Variants in MARCHF4 observed in about 807,000 individuals in gnomAD.
MARCHF4 encodes the protein membrane associated ring-CH-type finger 4, also known as E3 ubiquitin-protein ligase MARCHF4.
Under a neutral mutation model 43.9 loss-of-function variants are expected in MARCHF4, and 14 were observed. The observed-to-expected ratio is 0.32, with a 90% CI of 0.21 to 0.50. The LOEUF is 0.50. Among genes scored for constraint, MARCHF4 ranks in the 20% least tolerant of loss-of-function variants. The probability of loss-of-function intolerance (pLI) is 0.98; values close to 1 mark genes in which losing one functional copy is unlikely to be tolerated. For missense variants in MARCHF4, 468 were observed against 536.7 expected, an observed-to-expected ratio of 0.87 and a Z score of 1.27; for synonymous variants, 226 against 213.3, an observed-to-expected ratio of 1.06 and a Z score of -0.52.
chr2:216,359,091 G>C (rs1574487764), intron 1 of MARCHF4, among the ~76,000 whole-genome samples: 1 of 152,326 alleles, frequency 6.6e-6, no homozygotes, highest in East Asian at 1.9e-4. Flanking sequence ...AAGCTTCAGT[G>C]TCTTAACACA....
At chr2:216,296,541 G>A (rs1034316934) in intron 1 of MARCHF4, among the ~76,000 whole-genome samples, 4 of 152,126 alleles carry the variant, frequency 2.6e-5, no homozygotes, top group African/African-American at 9.7e-5. Context: ...GTGAGCTTGT[G>A]TGTTTCTAGG....
At chr2:216,320,180 CA>C (rs1382983721) in intron 1 of MARCHF4, among the ~76,000 whole-genome samples, 4 of 152,168 alleles carry the variant, frequency 2.6e-5, no homozygotes, top group African/African-American at 9.7e-5. Flanking sequence ...TAAACTATAT[CA>C]GCTGTTAAGG....
intron 1 of MARCHF4, among the ~76,000 whole-genome samples, chr2:216,300,502 C>G (rs1031083122): frequency 6.6e-6 from 1 of 151,758 alleles, no homozygotes; most frequent in African/African-American, 2.4e-5. Context: ...TGCCACCACA[C>G]CCAGCTAAAT....
chr2:216,365,812 C>T (rs1055747318), intron 1 of MARCHF4, among the ~76,000 whole-genome samples: 2 of 152,154 alleles, frequency 1.3e-5, no homozygotes, highest in Non-Finnish European at 2.9e-5. Flanking sequence ...CTCTATCAGC[C>T]CCTGTGATGT....
chr2:216,287,123 C>T (rs1010769145), intron 1 of MARCHF4, among the ~76,000 whole-genome samples: 2 of 152,182 alleles, frequency 1.3e-5, no homozygotes, highest in African/African-American at 4.8e-5. Flanking sequence ...AGGTCCCACC[C>T]CAATTCCTGG....
chr2:216,319,992 T>C (rs16855901), intron 1 of MARCHF4, among the ~76,000 whole-genome samples: 30,336 of 152,114 alleles, frequency 0.2, 4,501 homozygotes, highest in African/African-American at 0.41. Context: ...AATCTGGATG[T>C]TTCTGTGAGT....
chr2:216,362,287 C>T (rs940956246), intron 1 of MARCHF4, among the ~76,000 whole-genome samples: 1 of 152,190 alleles, frequency 6.6e-6, no homozygotes, highest in African/African-American at 2.4e-5. Flanking sequence ...CGTTTATACA[C>T]ACACACACAA....
intron 2 of MARCHF4, among the ~76,000 whole-genome samples, chr2:216,281,851 T>C (rs1038501603): frequency 6.6e-6 from 1 of 152,166 alleles, no homozygotes. Flanking sequence ...TAGATCCATA[T>C]TGCTAACACT....
At chr2:216,308,447 TG>T (rs200374638) in intron 1 of MARCHF4, among the ~76,000 whole-genome samples, 2,762 of 152,322 alleles carry the variant, frequency 0.018, 78 homozygotes, top group African/African-American at 0.063. Flanking sequence ...AGCTCTATCC[TG>T]AACTCCAGGC....
chr2:216,321,393 T>C (rs1055386815), intron 1 of MARCHF4, among the ~76,000 whole-genome samples: 2 of 152,166 alleles, frequency 1.3e-5, no homozygotes, highest in East Asian at 1.9e-4. Flanking sequence ...GAAATTGCAA[T>C]GGTGGTTAAG....
chr2:216,276,151 G>A (rs1329025013), intron 3 of MARCHF4, among the ~76,000 whole-genome samples: 1 of 152,236 alleles, frequency 6.6e-6, no homozygotes, highest in East Asian at 1.9e-4. Flanking sequence ...ATGTCTTATA[G>A]GACACATCAG....
At position 216,369,823 on chromosome 2, in the gene MARCHF4, A is replaced by T. The variant is rs1449475710; in HGVS notation, c.438T>A (p.Asp146Glu). The change falls in exon 1 of 4, where the codon GAT becomes GAA. Residue 146 changes from aspartate to glutamate, a missense_variant. Transcript: ENST00000273067. Reference sequence around the variant, plus strand: ...CCAAGCTGCTGCCCAGTGAGTAGCGATCCTCGGTCTTCTCCTTACAGAAGT... The same window carrying T: ...CCAAGCTGCTGCCCAGTGAGTAGCGTTCCTCGGTCTTCTCCTTACAGAAGT... ...SDDFCKEKTE[D>E]RYSLGSSLDS... 12 of 1,613,770 alleles carry T rather than the reference A, an allele frequency of 7.4e-6. No individual in the cohort carries two copies. The highest frequency in any genetic ancestry group is 9.3e-6 in the Non-Finnish European group (11 of 1,179,996).
intron 1 of MARCHF4, among the ~76,000 whole-genome samples, chr2:216,338,608 C>T (rs924860113): frequency 4.6e-5 from 7 of 152,130 alleles, no homozygotes; most frequent in African/African-American, 7.2e-5. Flanking sequence ...ATCTCTGCTC[C>T]GCCTCAGCCT....
chr2:216,284,529 G>A (rs150589076), intron 1 of MARCHF4, among the ~76,000 whole-genome samples: 309 of 152,270 alleles, frequency 2.0e-3, no homozygotes, highest in African/African-American at 7.1e-3. Flanking sequence ...GCAGTGGCAC[G>A]ATTGCGGCTA....
At chr2:216,305,715 C>T (rs930485314) in intron 1 of MARCHF4, among the ~76,000 whole-genome samples, 1 of 152,200 alleles carries the variant, frequency 6.6e-6, no homozygotes. Context: ...TGGCCTTCCA[C>T]TAATCAGACT....
At chr2:216,271,611 C>T (rs1314795304) in intron 3 of MARCHF4, among the ~76,000 whole-genome samples, 3 of 152,114 alleles carry the variant, frequency 2.0e-5, no homozygotes, top group Non-Finnish European at 4.4e-5. Context: ...TGGATATGAC[C>T]CGCTCTGACT....
chr2:216,331,514 G>A (rs1379725445), intron 1 of MARCHF4, among the ~76,000 whole-genome samples: 1 of 152,060 alleles, frequency 6.6e-6, no homozygotes, highest in African/African-American at 2.4e-5. Context: ...ATCAAAATCT[G>A]ACATACACAT....
At chr2:216,333,532 G>A (rs887868482) in intron 1 of MARCHF4, among the ~76,000 whole-genome samples, 4 of 152,168 alleles carry the variant, frequency 2.6e-5, no homozygotes, top group Non-Finnish European at 4.4e-5. Flanking sequence ...TAGTGGGAAT[G>A]GAAATTGCAC....
chr2:216,363,137 C>A (rs971850136), intron 1 of MARCHF4, among the ~76,000 whole-genome samples: 2 of 152,130 alleles, frequency 1.3e-5, no homozygotes, highest in African/African-American at 4.8e-5. Context: ...TCTCTCCCAG[C>A]CTCTTCTGAA....
Sources: allele counts gnomAD v4.1 joint callset (sites outside exome capture counted in the v4.1 genomes callset), GRCh38; gene constraint gnomAD v4.1.1; transcripts MANE v1.5; gene names NCBI Gene and HGNC (gene_info 2026-07-23, HGNC 2026-07-21).